ZFP64: variants seen among roughly 807,000 people sequenced by gnomAD.
The protein encoded by ZFP64 is ZFP64 zinc finger protein, also known as zinc finger protein 64.
ZFP64 carries 14 observed loss-of-function variants against 51.6 expected under a neutral mutation model. That is an observed-to-expected ratio of 0.27 (90% CI 0.18 to 0.42). ZFP64 has a LOEUF of 0.42. Among genes scored for constraint, ZFP64 ranks in the 10% least tolerant of loss-of-function variants. The pLI is 1.00. For missense variants in ZFP64, 754 were observed against 906.8 expected (o/e 0.83, Z 2.16); for synonymous variants, 375 against 361.4 (o/e 1.04, Z -0.43).
At chr20:52,184,221 T>G (rs997356844) in intron 2 of ZFP64, among the ~76,000 whole-genome samples, 4 of 152,200 alleles carry the variant, frequency 2.6e-5, no homozygotes, top group South Asian at 2.1e-4. Flanking sequence ...TAGAAGAAAC[T>G]TATGGACTCA....
Position 52,152,415 on chromosome 20 carries a change from C to T in ZFP64, c.1777G>A (p.Gly593Ser). ...TGATTGCCAGAGCCTTCCTGGGGGCCACCTGAGGCCGTGGGGATGAGAGTC... is the reference window on the plus strand; with the variant it reads ...TGATTGCCAGAGCCTTCCTGGGGGCTACCTGAGGCCGTGGGGATGAGAGTC... ...HQTLIPTASG[G>S]PQEGSGNQTF... The change falls in exon 6 of 6, where the codon GGC (glycine) becomes AGC (serine). Residue 593 changes from glycine (G) to serine (S), a missense_variant. By Grantham distance (56) the Gly-to-Ser change is moderately conservative. Coordinates refer to ENST00000216923, the MANE Select transcript of ZFP64 (RefSeq NM_018197.3). 6.2e-7 allele frequency: 1 copy of T among 1,614,200 alleles called. No individual in the cohort carries two copies. The highest frequency in any genetic ancestry group is 8.5e-7 in the Non-Finnish European group (1 of 1,180,034).
In ZFP64 at chr20:52,152,509, C is replaced by T. The variant is rs201143929; in HGVS notation, c.1683G>A (p.Ala561=). Residue 561 remains alanine (A), a synonymous_variant, in exon 6 of 6, where the codon GCG becomes GCA. Coordinates refer to ENST00000216923, the MANE Select transcript of ZFP64 (RefSeq NM_018197.3). ...GGACAGCCGGCTGGGTCATTGCGCCCGCCTCGCTCGGACACCGCGAGGACT... is the reference window on the plus strand; with the variant it reads ...GGACAGCCGGCTGGGTCATTGCGCCTGCCTCGCTCGGACACCGCGAGGACT... The part of the protein sequence containing the change: ...PPQSSRCPSE[A]GAMTQPAVLL... The T allele has an allele frequency of 1.5e-4, 237 of 1,605,996 alleles. No individual in the cohort carries two copies. The highest frequency in any genetic ancestry group is 1.9e-4 in the Non-Finnish European group (220 of 1,176,744).
intron 7 of ZFP64, chr20:52,097,142 C>G (rs775322185): frequency 1.3e-6 from 1 of 777,278 alleles, no homozygotes; most frequent in Non-Finnish European, 2.4e-6. Context: ...AAGAAGCCAC[C>G]TTATTGCTCT....
At chr20:52,108,624 T>C (rs1978382101) in intron 5 of ZFP64, among the ~76,000 whole-genome samples, 1 of 151,970 alleles carries the variant, frequency 6.6e-6, no homozygotes, top group Non-Finnish European at 1.5e-5. Context: ...TTCTCCTTTC[T>C]TAGCTTCCTG....
intron 5 of ZFP64, among the ~76,000 whole-genome samples, chr20:52,142,377 G>GACACACACACACACGCGCGC (rs1386874465): frequency 1.3e-4 from 15 of 118,468 alleles, no homozygotes; most frequent in South Asian, 7.9e-4. Flanking sequence ...CACACACACA[G>GACACACACACACACGCGCGC]ACACACACAC....
At chr20:52,138,002 C>T (rs905942617) in intron 5 of ZFP64, among the ~76,000 whole-genome samples, 1 of 150,260 alleles carries the variant, frequency 6.7e-6, no homozygotes, top group African/African-American at 2.5e-5. Context: ...ACGGAAAAAC[C>T]CCATCTTTAC....
chr20:52,172,167 G>C (rs974368252), intron 2 of ZFP64, among the ~76,000 whole-genome samples: 1 of 151,868 alleles, frequency 6.6e-6, no homozygotes, highest in Non-Finnish European at 1.5e-5. Flanking sequence ...TGATGCTGCA[G>C]TCACCACTCA....
intron 5 of ZFP64, among the ~76,000 whole-genome samples, chr20:52,140,631 T>G (rs1245362075): frequency 6.6e-6 from 1 of 152,090 alleles, no homozygotes; most frequent in African/African-American, 2.4e-5. Context: ...TTCAGGAGGT[T>G]TAAAGAAAGA....
intron 5 of ZFP64, among the ~76,000 whole-genome samples, chr20:52,126,483 C>T (rs570773929): frequency 6.6e-5 from 10 of 152,314 alleles, no homozygotes; most frequent in African/African-American, 2.4e-4. Context: ...CACCTGCCTG[C>T]TTAAAGGTAA....
At chr20:52,176,005 T>C (rs1466592594) in intron 2 of ZFP64, 2 of 984,224 alleles carry the variant, frequency 2.0e-6, no homozygotes, top group East Asian at 2.3e-4. Context: ...TGAGTGGCGC[T>C]GCCCTGTTGG....
chr20:52,134,107 TGCTAAGGCA>T (rs1979857743), intron 5 of ZFP64, among the ~76,000 whole-genome samples: 1 of 151,074 alleles, frequency 6.6e-6, no homozygotes, highest in Non-Finnish European at 1.5e-5. Flanking sequence ...GAGAACTAAA[TGCTAAGGCA>T]GATTTACTGT....
intron 5 of ZFP64, chr20:52,105,332 C>T: frequency 8.0e-7 from 1 of 1,250,202 alleles, no homozygotes; most frequent in Non-Finnish European, 1.0e-6. Context: ...TCGGCCGGAA[C>T]GCGCATGTCC....
chr20:52,170,118 C>T (rs1188741804), intron 2 of ZFP64, among the ~76,000 whole-genome samples: 2 of 151,706 alleles, frequency 1.3e-5, no homozygotes, highest in African/African-American at 4.8e-5. Context: ...GCTTTGGTGT[C>T]TTGGAGAGGC....
At chr20:52,097,611 C>CT (rs1473456534) in intron 6 of ZFP64, among the ~76,000 whole-genome samples, 1 of 152,018 alleles carries the variant, frequency 6.6e-6, no homozygotes, top group Non-Finnish European at 1.5e-5. Flanking sequence ...CCTGCCACCA[C>CT]GCCTGGCTAA....
chr20:52,103,177 G>A (rs867432069), intron 5 of ZFP64, among the ~76,000 whole-genome samples: 2 of 152,188 alleles, frequency 1.3e-5, no homozygotes, highest in African/African-American at 2.4e-5. Context: ...TTAGCATGGC[G>A]AGGGTTTTAA....
At chr20:52,111,022 C>T in intron 5 of ZFP64, 2 of 1,449,254 alleles carry the variant, frequency 1.4e-6, no homozygotes, top group Middle Eastern at 1.7e-4. Flanking sequence ...GGGAAGGGCG[C>T]GCTTGGTGTG....
At chr20:52,141,177 A>G (rs974955377) in intron 5 of ZFP64, among the ~76,000 whole-genome samples, 11 of 152,204 alleles carry the variant, frequency 7.2e-5, no homozygotes, top group African/African-American at 2.7e-4. Flanking sequence ...CAAGGAGACG[A>G]ATGTTGTTTT....
At chr20:52,097,600 G>A (rs1358831640) in intron 6 of ZFP64, among the ~76,000 whole-genome samples, 1 of 151,858 alleles carries the variant, frequency 6.6e-6, no homozygotes, top group Non-Finnish European at 1.5e-5. Flanking sequence ...GATTACAGGC[G>A]CCTGCCACCA....
At chr20:52,086,632 C>T (rs2078867811) in intron 8 of ZFP64, among the ~76,000 whole-genome samples, 1 of 152,044 alleles carries the variant, frequency 6.6e-6, no homozygotes, top group African/African-American at 2.4e-5. Context: ...TGCCCGCCAC[C>T]ACGCCCAGCT....
Sources: gnomAD v4.1 joint callset for allele counts (sites outside exome capture counted in the v4.1 genomes callset) on GRCh38, gnomAD v4.1.1 for gene constraint, MANE v1.5 for transcripts, NCBI Gene and HGNC (gene_info 2026-07-23, HGNC 2026-07-21) for gene names.